Variants in ATG10 observed in about 807,000 individuals in gnomAD.
ATG10 encodes the protein ubiquitin-like-conjugating enzyme ATG10.
In ATG10, 30 loss-of-function variants were observed where a neutral mutation model predicts 32.1. The ratio of observed to expected loss-of-function variants is 0.94; its 90% CI spans 0.70 to 1.27. The LOEUF (loss-of-function observed/expected upper bound fraction) is 1.27, where lower values mean the gene tolerates loss of function less well. Ranked by LOEUF, ATG10 falls within the 50% of genes most tolerant of loss-of-function variation. ATG10 has a pLI of 0.00. For missense variants in ATG10, 233 were observed against 262.3 expected, an observed-to-expected ratio of 0.89 and a Z score of 0.77; for synonymous variants, 87 against 91.5, an observed-to-expected ratio of 0.95 and a Z score of 0.28.
chr5:82,220,603 C>G (rs1011503348), intron 5 of ATG10, among the ~76,000 whole-genome samples: 5 of 151,046 alleles, frequency 3.3e-5, no homozygotes, highest in Admixed American at 2.0e-4. Context: ...TTTAACTTCT[C>G]TCCCTCATGT....
intron 3 of ATG10, among the ~76,000 whole-genome samples, chr5:82,090,167 T>A (rs749861481): frequency 1.1e-4 from 17 of 152,070 alleles, no homozygotes; most frequent in Admixed American, 2.6e-4. Flanking sequence ...TTTGGGAATG[T>A]AAAATGATAT....
intron 2 of ATG10, among the ~76,000 whole-genome samples, chr5:81,995,627 AAAG>A (rs1761640772): frequency 6.6e-6 from 1 of 152,210 alleles, no homozygotes; most frequent in Non-Finnish European, 1.5e-5. Context: ...CTCATTAAAA[AAAG>A]GGGGAAAATG....
Position 82,037,373 on chromosome 5 carries a change from A to G in ATG10, c.109-21122A>G, listed in dbSNP as rs1315775884. 7.2e-5 allele frequency among the ~76,000 whole-genome samples: 10 copies of G among 139,190 alleles called. No individual in the cohort carries two copies. In the East Asian group the frequency reaches 1.1e-3, roughly 15 times the overall value. 91.3% of individuals were successfully genotyped at this position (139,190 alleles called of 152,430 possible). On this transcript the variant is annotated intron_variant, in intron 2 of 7. Coordinates refer to ENST00000282185, the MANE Select transcript of ATG10 (RefSeq NM_031482.5). ...CGCCATTCTCCTGCCTCAGCCTCCCAAGTAGCTGGGACTACAGGCGCCCGC... is the reference window on the plus strand; with the variant it reads ...CGCCATTCTCCTGCCTCAGCCTCCCGAGTAGCTGGGACTACAGGCGCCCGC...
rs1554039310 is a variant in ATG10 at position 81,993,336 on chromosome 5, C to CTTCCTTCCTTCTTTCTTTCTTTCTTTCT, written c.108+5661_108+5662insCTTCCTTCTTTCTTTCTTTCTTTCTTTC. Among the ~76,000 whole-genome samples, 47 of 77,714 alleles carry CTTCCTTCCTTCTTTCTTTCTTTCTTTCT rather than the reference C, an allele frequency of 6.0e-4. 2 individuals carry two copies. Among genetic ancestry groups the CTTCCTTCCTTCTTTCTTTCTTTCTTTCT allele is most frequent in the African/African-American group, 3.0e-3 (47 of 15,648 alleles). The allele number at this position is 77,714 out of a possible 152,430, so 51.0% of individuals were successfully genotyped here. ...CTTTCTTTCTTTCTTTCCTTCCTTCCTTCTTTCTTTCTTTCTTTCTTTCCT... is the reference window on the plus strand; with the variant it reads ...CTTTCTTTCTTTCTTTCCTTCCTTCCTTCCTTCCTTCTTTCTTTCTTTCTTTCTTTCTTTCTTTCTTTCTTTCTTTCCT... On this transcript the variant is annotated intron_variant, in intron 2 of 7. Coordinates refer to ENST00000282185, the MANE Select transcript of ATG10 (RefSeq NM_031482.5).
intron 5 of ATG10, among the ~76,000 whole-genome samples, chr5:82,208,207 T>C (rs1023644967): frequency 6.6e-6 from 1 of 152,140 alleles, no homozygotes; most frequent in Non-Finnish European, 1.5e-5. Flanking sequence ...TTTTTATTAC[T>C]ATAAGTTTAT....
intron 3 of ATG10, chr5:82,078,372 C>T (rs1049988232): frequency 6.6e-6 from 1 of 152,206 alleles, no homozygotes; most frequent in African/African-American, 2.4e-5. Context: ...TGCTGTAACA[C>T]TCCTATAGGA....
intron 2 of ATG10, among the ~76,000 whole-genome samples, chr5:81,990,273 C>G (rs987643854): frequency 6.6e-6 from 1 of 152,134 alleles, no homozygotes; most frequent in Non-Finnish European, 1.5e-5. Context: ...CCCTTTTGAC[C>G]TGTAATAATT....
chr5:82,233,589 G>A (rs1247336293), intron 5 of ATG10, among the ~76,000 whole-genome samples: 1 of 152,156 alleles, frequency 6.6e-6, no homozygotes, highest in East Asian at 1.9e-4. Flanking sequence ...CAGCCCATGG[G>A]ACTATCCCTC....
chr5:82,048,285 T>C (rs1286417999), intron 2 of ATG10, among the ~76,000 whole-genome samples: 1 of 143,064 alleles, frequency 7.0e-6, no homozygotes. Flanking sequence ...GGGGATGGTA[T>C]TGAATCTGTA....
intron 1 of ATG10, among the ~76,000 whole-genome samples, chr5:81,974,637 C>CT (rs1419309213): frequency 1.3e-5 from 2 of 152,278 alleles, no homozygotes; most frequent in East Asian, 1.9e-4. Flanking sequence ...AGTGGGGTCT[C>CT]TAAGTTGCCC....
intron 1 of ATG10, among the ~76,000 whole-genome samples, chr5:81,973,566 GTTCA>G (rs1380142347): frequency 6.6e-6 from 1 of 152,124 alleles, no homozygotes; most frequent in Non-Finnish European, 1.5e-5. Context: ...TTTGTCACAG[GTTCA>G]TTTTGAGTCA....
chr5:82,197,601 C>T (rs1363712135), intron 5 of ATG10, among the ~76,000 whole-genome samples: 2 of 152,072 alleles, frequency 1.3e-5, no homozygotes, highest in African/African-American at 2.4e-5. Flanking sequence ...ATCCTATTTA[C>T]ATTACTTCCC....
At chr5:82,237,263 G>A (rs1000380283) in intron 5 of ATG10, among the ~76,000 whole-genome samples, 1 of 151,984 alleles carries the variant, frequency 6.6e-6, no homozygotes, top group Non-Finnish European at 1.5e-5. Context: ...GCTGTTTCTG[G>A]CTTATATTCT....
chr5:82,230,732 C>CAAAAAAAA (rs397881697), intron 5 of ATG10, among the ~76,000 whole-genome samples: 8 of 58,798 alleles, frequency 1.4e-4, no homozygotes, highest in Admixed American at 2.5e-4. Flanking sequence ...GACTCCGTCT[C>CAAAAAAAA]AAAAAAAAAA....
At chr5:82,120,304 T>C (rs149705941) in intron 3 of ATG10, among the ~76,000 whole-genome samples, 2 of 152,314 alleles carry the variant, frequency 1.3e-5, no homozygotes, top group East Asian at 1.9e-4. Context: ...CCCTGGCCCA[T>C]TGATAGTCAG....
chr5:81,981,023 T>A (rs1313035294), intron 1 of ATG10, among the ~76,000 whole-genome samples: 1 of 152,162 alleles, frequency 6.6e-6, no homozygotes, highest in Non-Finnish European at 1.5e-5. Context: ...ATTTGGAATA[T>A]GTATTCCAAT....
chr5:82,212,902 A>G (rs1209400755), intron 5 of ATG10, among the ~76,000 whole-genome samples: 1 of 152,172 alleles, frequency 6.6e-6, no homozygotes, highest in Non-Finnish European at 1.5e-5. Context: ...TATCTTTAAT[A>G]TACCAGTGAC....
At chr5:82,089,822 G>A (rs1244160749) in intron 3 of ATG10, among the ~76,000 whole-genome samples, 4 of 151,740 alleles carry the variant, frequency 2.6e-5, no homozygotes, top group African/African-American at 9.7e-5. Flanking sequence ...CACAGAATAG[G>A]AGAACATAGT....
chr5:82,015,173 G>A (rs1231638858), intron 2 of ATG10, among the ~76,000 whole-genome samples: 1 of 152,130 alleles, frequency 6.6e-6, no homozygotes, highest in Admixed American at 6.5e-5. Flanking sequence ...CTCCTGGCTT[G>A]TAGAGTTTCT....
Sources: gnomAD v4.1 joint callset for allele counts (sites outside exome capture counted in the v4.1 genomes callset) on GRCh38, gnomAD v4.1.1 for gene constraint, MANE v1.5 for transcripts, NCBI Gene and HGNC (gene_info 2026-07-23, HGNC 2026-07-21) for gene names.